PTPRT: variants seen among roughly 807,000 people sequenced by gnomAD.
PTPRT encodes receptor-type tyrosine-protein phosphatase T.
PTPRT carries 56 observed loss-of-function variants against 176.8 expected under a neutral mutation model. The observed-to-expected ratio is 0.32, with a 90% CI of 0.26 to 0.40. The LOEUF (loss-of-function observed/expected upper bound fraction) is 0.40, where lower values mean the gene tolerates loss of function less well. Ranked by LOEUF, PTPRT falls within the 10% of genes least tolerant of loss-of-function variation. The pLI is 1.00. For synonymous variants in PTPRT, 783 were observed against 739.0 expected (o/e 1.06, Z -0.96); for missense variants, 1,540 against 1,908.2 (o/e 0.81, Z 3.60).
intron 11 of PTPRT, among the ~76,000 whole-genome samples, chr20:42,341,682 A>T (rs2058113448): frequency 6.6e-6 from 1 of 152,076 alleles, no homozygotes; most frequent in Non-Finnish European, 1.5e-5. Context: ...CCCAAATCTA[A>T]AACCCCTGCT....
intron 7 of PTPRT, among the ~76,000 whole-genome samples, chr20:42,598,539 G>A (rs532466585): frequency 6.6e-6 from 1 of 152,286 alleles, no homozygotes; most frequent in African/African-American, 2.4e-5. Flanking sequence ...AATTTTAATA[G>A]AGGCTAGATA....
At chr20:42,499,771 T>G (rs1377241217) in intron 7 of PTPRT, among the ~76,000 whole-genome samples, 1 of 152,176 alleles carries the variant, frequency 6.6e-6, no homozygotes, top group African/African-American at 2.4e-5. Context: ...GTCCAATATA[T>G]GTATTGAAAA....
intron 7 of PTPRT, among the ~76,000 whole-genome samples, chr20:42,629,480 G>A (rs1459865094): frequency 6.6e-6 from 1 of 152,114 alleles, no homozygotes; most frequent in Non-Finnish European, 1.5e-5. Flanking sequence ...AAATGGAAAT[G>A]GAAATTTCTA....
At chr20:42,795,203 A>G (rs531122989) in intron 2 of PTPRT, among the ~76,000 whole-genome samples, 7 of 152,224 alleles carry the variant, frequency 4.6e-5, no homozygotes, top group Admixed American at 1.3e-4. Context: ...AAAATCTACT[A>G]ACGTGATAAG....
At chr20:42,928,286 C>T (rs1170126624) in intron 1 of PTPRT, among the ~76,000 whole-genome samples, 2 of 152,214 alleles carry the variant, frequency 1.3e-5, no homozygotes, top group African/African-American at 4.8e-5. Flanking sequence ...TCTGAATCAA[C>T]AGCTGCTCCC....
intron 1 of PTPRT, among the ~76,000 whole-genome samples, chr20:42,902,328 CA>C (rs1415125893): frequency 3.3e-5 from 5 of 152,172 alleles, no homozygotes; most frequent in African/African-American, 1.2e-4. Context: ...GGCTCAAGGT[CA>C]GTAGAGTCAC....
At position 42,980,377 on chromosome 20, in the gene PTPRT, G is replaced by A. The variant is rs189613479; in HGVS notation, c.89-94445C>T. Among the ~76,000 whole-genome samples, 48 of 152,248 alleles carry A rather than the reference G, an allele frequency of 3.2e-4. No individual in the cohort carries two copies. The South Asian group carries it at 7.5e-3, about 24-fold the overall frequency. On this transcript the variant is annotated intron_variant, in intron 1 of 30. Coordinates refer to ENST00000373187, the MANE Select transcript of PTPRT (RefSeq NM_007050.6). ...AGACTTCAGTTCCCACCTGTGCAAC[G>A]GGGAAATAGATGAACTTGTATTCGT...
chr20:42,809,443 G>A (rs79003854), intron 2 of PTPRT, among the ~76,000 whole-genome samples: 265 of 152,260 alleles, frequency 1.7e-3, no homozygotes, highest in African/African-American at 6.2e-3. Flanking sequence ...CAATCCAGAA[G>A]ACAGAAACCC....
At chr20:42,199,878 G>A (rs1276359578) in intron 15 of PTPRT, among the ~76,000 whole-genome samples, 1 of 152,108 alleles carries the variant, frequency 6.6e-6, no homozygotes, top group African/African-American at 2.4e-5. Context: ...GTGCGGGTTA[G>A]TTTCACAGCT....
intron 17 of PTPRT, among the ~76,000 whole-genome samples, chr20:42,156,434 G>C (rs1349436792): frequency 6.6e-6 from 1 of 152,194 alleles, no homozygotes; most frequent in Non-Finnish European, 1.5e-5. Context: ...CTTGCTTGGT[G>C]ACCTCACCCA....
chr20:42,855,468 T>C (rs1429028976), intron 2 of PTPRT, among the ~76,000 whole-genome samples: 1 of 125,610 alleles, frequency 8.0e-6, no homozygotes, highest in Non-Finnish European at 1.6e-5. Context: ...AGAGTCTCAC[T>C]CCACCCAGGC....
At chr20:42,051,505 T>C in the PTPRT span, among the ~76,000 whole-genome samples, 1 of 152,128 alleles carries the variant, frequency 6.6e-6, no homozygotes, top group African/African-American at 2.4e-5. Context: ...TTCAGAGGAT[T>C]ATTGAGATGA....
chr20:42,126,594 G>A (rs1444342035), intron 19 of PTPRT, among the ~76,000 whole-genome samples: 1 of 152,170 alleles, frequency 6.6e-6, no homozygotes, highest in East Asian at 1.9e-4. Flanking sequence ...CCTCCAGGGA[G>A]CCTTCACTGG....
At chr20:42,629,388 G>C (rs539671337) in intron 7 of PTPRT, among the ~76,000 whole-genome samples, 2 of 152,228 alleles carry the variant, frequency 1.3e-5, no homozygotes, top group Admixed American at 1.3e-4. Flanking sequence ...CAGAGATACC[G>C]CAAAGTATCT....
At chr20:42,361,341 G>T (rs764142476) in intron 9 of PTPRT, among the ~76,000 whole-genome samples, 1 of 152,082 alleles carries the variant, frequency 6.6e-6, no homozygotes, top group African/African-American at 2.4e-5. Flanking sequence ...AAGTCCTTTT[G>T]GTGCTTTTTA....
At chr20:42,940,956 C>T (rs1980505367) in intron 1 of PTPRT, among the ~76,000 whole-genome samples, 1 of 151,858 alleles carries the variant, frequency 6.6e-6, no homozygotes, top group Non-Finnish European at 1.5e-5. Context: ...GTGGCGCGCG[C>T]CTGTAGTCCC....
At chr20:42,156,645 C>T (rs943870592) in intron 17 of PTPRT, among the ~76,000 whole-genome samples, 4 of 152,226 alleles carry the variant, frequency 2.6e-5, no homozygotes, top group Non-Finnish European at 5.9e-5. Flanking sequence ...TTGAGCATCC[C>T]CATTTCCATT....
intron 1 of PTPRT, among the ~76,000 whole-genome samples, chr20:43,157,516 A>T (rs1283497639): frequency 6.6e-6 from 1 of 152,204 alleles, no homozygotes; most frequent in Admixed American, 6.5e-5. Flanking sequence ...ATAGCTGATT[A>T]TGGTGGGAGG....
intron 9 of PTPRT, among the ~76,000 whole-genome samples, chr20:42,367,417 T>G (rs1334863504): frequency 6.6e-6 from 1 of 152,158 alleles, no homozygotes; most frequent in Non-Finnish European, 1.5e-5. Context: ...TTGGGCAGTA[T>G]CAGTAGCTGT....
Sources: gnomAD v4.1 joint callset for allele counts (sites outside exome capture counted in the v4.1 genomes callset) on GRCh38, gnomAD v4.1.1 for gene constraint, MANE v1.5 for transcripts, NCBI Gene and HGNC (gene_info 2026-07-23, HGNC 2026-07-21) for gene names.